Variants in MFSD6 observed in about 807,000 individuals in gnomAD.
The protein encoded by MFSD6 is major facilitator superfamily domain-containing protein 6.
MFSD6 carries 26 observed loss-of-function variants against 56.3 expected under a neutral mutation model. The observed-to-expected ratio is 0.46, with a 90% CI of 0.34 to 0.64. MFSD6 has a LOEUF of 0.64. MFSD6 is among the 30% of genes least tolerant of loss of function. The probability of loss-of-function intolerance (pLI) is 0.01; values close to 1 mark genes in which losing one functional copy is unlikely to be tolerated. For synonymous variants in MFSD6, 331 were observed against 366.9 expected (o/e 0.90, Z 1.12); for missense variants, 750 against 986.2 (o/e 0.76, Z 3.21).
At position 190,458,225 on chromosome 2, in the gene MFSD6, C is replaced by CA. The variant is rs1439739821; in HGVS notation, c.1533-11532dup. On this transcript the variant is annotated intron_variant, in intron 3 of 7. Coordinates refer to ENST00000392328, the MANE Select transcript of MFSD6 (RefSeq NM_017694.4). This position sits in a 1 kb window ranked among gnomAD's most constrained non-coding sequence, Gnocchi z 5.3. ...AGATTCATACGTTGAGGTCCTAACC[C>CA]ACAGTACCTCAGAGTGTGACCATAT... 6.6e-6 allele frequency among the ~76,000 whole-genome samples: 1 copy of CA among 152,106 alleles called. No homozygotes were observed. The highest frequency in any genetic ancestry group is 1.5e-5 in the Non-Finnish European group (1 of 68,014).
Position 190,463,015 on chromosome 2 carries a change from G to A in MFSD6, c.1533-6743G>A, listed in dbSNP as rs1276375828. 2.0e-5 allele frequency among the ~76,000 whole-genome samples: 3 copies of A among 152,132 alleles called. No individual in the cohort carries two copies. Among genetic ancestry groups the A allele is most frequent in the African/African-American group, 7.2e-5 (3 of 41,424 alleles). ...TGGTTCTTTCAAACCAGCCAGTCCT[G>A]GAGTGGGACACAGGATGCAGGAGAT... is the stretch of plus-strand genomic sequence containing the variant. On this transcript the variant is annotated intron_variant, in intron 3 of 7. Coordinates refer to ENST00000392328, the MANE Select transcript of MFSD6 (RefSeq NM_017694.4). The surrounding 1 kb of genome is among the most constrained non-coding windows in gnomAD (Gnocchi z 4.4).
At chr2:190,466,258 A>G (rs1435436071) in intron 3 of MFSD6, among the ~76,000 whole-genome samples, 1 of 152,240 alleles carries the variant, frequency 6.6e-6, no homozygotes, top group Admixed American at 6.5e-5. Context: ...TTAAGACTTC[A>G]GCACATGAAC....
chr2:190,415,991 T>G lies in MFSD6; in HGVS notation c.-54+578T>G, dbSNP rs780800199. On this transcript the variant is annotated intron_variant, in intron 2 of 7. Transcript: ENST00000392328. This position sits in a 1 kb window ranked among gnomAD's most constrained non-coding sequence, Gnocchi z 4.5. Reference sequence around the variant, plus strand: ...CTCTGTAATGTGAACTGTTACTTTTTCCTCCCGCTGGGCTTGTTCTAAGAC... The same window carrying G: ...CTCTGTAATGTGAACTGTTACTTTTGCCTCCCGCTGGGCTTGTTCTAAGAC... Among the ~76,000 whole-genome samples, 2 of 152,192 alleles carry G rather than the reference T, an allele frequency of 1.3e-5. No homozygotes were observed. Among genetic ancestry groups the G allele is most frequent in the Non-Finnish European group, 2.9e-5 (2 of 68,034 alleles).
rs974212299 is a variant in MFSD6, at chr2:190,500,830, A to T, written c.*612A>T. 5 of 152,714 alleles carry T rather than the reference A, an allele frequency of 3.3e-5. No individual in the cohort carries two copies. The highest frequency in any genetic ancestry group is 2.0e-4 in the Admixed American group (3 of 15,346). 9.5% of individuals were successfully genotyped at this position (152,714 alleles called of 1,614,324 possible). A position where few individuals can be genotyped will look rare whatever the true frequency, so the allele number is the denominator to read the frequency against. On this transcript the variant is annotated 3_prime_UTR_variant, in exon 8 of 8. Transcript: ENST00000392328. The surrounding 1 kb of genome is among the most constrained non-coding windows in gnomAD (Gnocchi z 5.3). ...ACATATCTTTAGCAAATATATTTTT[A>T]TATGTGTATGGCATATAATGGAAAT...
Position 190,454,982 on chromosome 2 carries a change from ATGTATATGTATATGTATAATGTAT to A in MFSD6, c.1533-14775_1533-14752del, listed in dbSNP as rs1686946915. ...TATGTATATGTATATGTATATGTAT[ATGTATATGTATATGTATAATGTAT>A]ATGTATATGTATATGTGTGTTGGTA... On this transcript the variant is annotated intron_variant, in intron 3 of 7. Coordinates refer to ENST00000392328, the MANE Select transcript of MFSD6 (RefSeq NM_017694.4). This position sits in a 1 kb window ranked among gnomAD's most constrained non-coding sequence, Gnocchi z 4.6. Among the ~76,000 whole-genome samples, 1 of 82,306 alleles carries A rather than the reference ATGTATATGTATATGTATAATGTAT, an allele frequency of 1.2e-5. No individual in the cohort carries two copies. Among genetic ancestry groups the A allele is most frequent in the African/African-American group, 3.4e-5 (1 of 29,786 alleles). The allele number at this position is 82,306 out of a possible 152,430, so 54.0% of individuals were successfully genotyped here. A position where few individuals can be genotyped will look rare whatever the true frequency, so the allele number is the denominator to read the frequency against.
intron 4 of MFSD6, among the ~76,000 whole-genome samples, chr2:190,473,640 A>G (rs1435518921): frequency 6.6e-6 from 1 of 152,190 alleles, no homozygotes; most frequent in Non-Finnish European, 1.5e-5. Flanking sequence ...TTAACACCCC[A>G]CTGTCAACAT....
At chr2:190,470,966 G>C (rs757214658) in intron 4 of MFSD6, among the ~76,000 whole-genome samples, 1 of 152,002 alleles carries the variant, frequency 6.6e-6, no homozygotes, top group Non-Finnish European at 1.5e-5. Context: ...GCTAGTAAAA[G>C]GAGATTCTGT....
intron 2 of MFSD6, among the ~76,000 whole-genome samples, chr2:190,427,251 G>C (rs1685810690): frequency 6.6e-6 from 1 of 152,206 alleles, no homozygotes; most frequent in Non-Finnish European, 1.5e-5. Flanking sequence ...GAAAGTCCTT[G>C]CTCCTTTATC....
intron 3 of MFSD6, chr2:190,464,897 G>A: frequency 1.0e-6 from 1 of 973,100 alleles, no homozygotes; most frequent in Non-Finnish European, 1.2e-6. Flanking sequence ...GTGGTTTTTA[G>A]TGGCTTTTGG....
chr2:190,500,507 A>G lies in MFSD6; in HGVS notation c.*289A>G. On this transcript the variant is annotated 3_prime_UTR_variant, in exon 8 of 8. Transcript: ENST00000392328. The surrounding 1 kb of genome is among the most constrained non-coding windows in gnomAD (Gnocchi z 5.3). ...TTAAGGATGATAGAATTTCTCTGCC[A>G]GTGCAGTAAGAGTTGAAACCGGCAG... 2.7e-6 allele frequency: 1 copy of G among 365,532 alleles called. No homozygotes were observed. 22.6% of individuals were successfully genotyped at this position (365,532 alleles called of 1,614,324 possible). A position where few individuals can be genotyped will look rare whatever the true frequency, so the allele number is the denominator to read the frequency against.
rs955562508 is a variant in MFSD6, at chr2:190,471,126, G to A, written c.1630+1271G>A. Among the ~76,000 whole-genome samples, 19 of 152,244 alleles carry A rather than the reference G, an allele frequency of 1.2e-4. No homozygotes were observed. Among genetic ancestry groups the A allele is most frequent in the East Asian group, 3.9e-4 (2 of 5,176 alleles). ...ACAGGAGGGTGGAGCCAAGATGGCC[G>A]AATAGGAACAGCTCCAGTCTACAGG... On this transcript the variant is annotated intron_variant, in intron 4 of 7. Coordinates refer to ENST00000392328, the MANE Select transcript of MFSD6 (RefSeq NM_017694.4). This position sits in a 1 kb window ranked among gnomAD's most constrained non-coding sequence, Gnocchi z 4.7.
Position 190,412,276 on chromosome 2 carries a change from G to C in MFSD6, c.-175-3016G>C, listed in dbSNP as rs554576156. 1.0e-6 allele frequency: 1 copy of C among 983,502 alleles called. No individual in the cohort carries two copies. Among genetic ancestry groups the C allele is most frequent in the African/African-American group, 1.7e-5 (1 of 57,306 alleles). The allele number at this position is 983,502 out of a possible 1,614,324, so 60.9% of individuals were successfully genotyped here. ...TTAAACTTGGTTAATTATCATTGTG[G>C]TAGTAGGTAATCTTGAGAAAGAGGG... On this transcript the variant is annotated intron_variant, in intron 1 of 7. Transcript: ENST00000392328. This position sits in a 1 kb window ranked among gnomAD's most constrained non-coding sequence, Gnocchi z 4.1.
Position 190,457,359 on chromosome 2 carries a change from G to A in MFSD6, c.1533-12399G>A. 6.6e-6 allele frequency among the ~76,000 whole-genome samples: 1 copy of A among 152,050 alleles called. No individual in the cohort carries two copies. Among genetic ancestry groups the A allele is most frequent in the Non-Finnish European group, 1.5e-5 (1 of 68,024 alleles). On this transcript the variant is annotated intron_variant, in intron 3 of 7. Transcript: ENST00000392328. This position sits in a 1 kb window ranked among gnomAD's most constrained non-coding sequence, Gnocchi z 5.1. Reference sequence around the variant, plus strand: ...ATGATCTAACTTTCTTCTTTGGCTGGTTTTAGTATGTGAAAAAAACCACCT... The same window carrying A: ...ATGATCTAACTTTCTTCTTTGGCTGATTTTAGTATGTGAAAAAAACCACCT...
rs1315774329 is a variant in MFSD6 at position 190,467,571 on chromosome 2, C to T, written c.1533-2187C>T. Among the ~76,000 whole-genome samples the T allele has an allele frequency of 6.6e-6, 1 of 152,096 alleles. No homozygotes were observed. The highest frequency in any genetic ancestry group is 1.5e-5 in the Non-Finnish European group (1 of 68,020). Reference sequence around the variant, plus strand: ...GAGGTTTCAGTGAGCCGAGATCGTGCCACTGCTCTCTAGCCTCGGCAACAG... The same window carrying T: ...GAGGTTTCAGTGAGCCGAGATCGTGTCACTGCTCTCTAGCCTCGGCAACAG... On this transcript the variant is annotated intron_variant, in intron 3 of 7. Coordinates refer to ENST00000392328, the MANE Select transcript of MFSD6 (RefSeq NM_017694.4). The surrounding 1 kb of genome is among the most constrained non-coding windows in gnomAD (Gnocchi z 5.5).
chr2:190,496,718 A>G lies in MFSD6; in HGVS notation c.1892-721A>G, dbSNP rs959127000. ...CACATATACATACATACACAATGGA[A>G]TACTACTCAGCCATAAAAAGGAATG... On this transcript the variant is annotated intron_variant, in intron 6 of 7. Transcript: ENST00000392328. The surrounding 1 kb of genome is among the most constrained non-coding windows in gnomAD (Gnocchi z 4.7). 1.3e-5 allele frequency among the ~76,000 whole-genome samples: 2 copies of G among 152,302 alleles called. No homozygotes were observed. Among genetic ancestry groups the G allele is most frequent in the South Asian group, 4.1e-4 (2 of 4,824 alleles).
intron 2 of MFSD6, among the ~76,000 whole-genome samples, chr2:190,421,439 T>C (rs1363389997): frequency 2.6e-5 from 4 of 152,224 alleles, no homozygotes. Flanking sequence ...TCAGTTTTTA[T>C]TTTTAAAGTG....
At position 190,429,364 on chromosome 2, in the gene MFSD6, C is replaced by T. The variant is rs138159435; in HGVS notation, c.-53-6613C>T. 3.7e-4 allele frequency among the ~76,000 whole-genome samples: 55 copies of T among 150,560 alleles called. 1 individual carries two copies. In the East Asian group the frequency reaches 9.1e-3, roughly 25 times the overall value. On this transcript the variant is annotated intron_variant, in intron 2 of 7. Transcript: ENST00000392328. ...TTTTTGAGATGGAGTCTCACTCTGT[C>T]GCCCAGCCTGGAGTACAGTGGTGCA...
At chr2:190,484,531 G>A (rs1246778467) in intron 4 of MFSD6, among the ~76,000 whole-genome samples, 11 of 152,104 alleles carry the variant, frequency 7.2e-5, no homozygotes, top group Non-Finnish European at 8.8e-5. Context: ...GGGAAATGGC[G>A]GAGGGTTTTC....
rs1397224713 is a variant in MFSD6 at position 190,497,154 on chromosome 2, A to G, written c.1892-285A>G. Among the ~76,000 whole-genome samples the G allele has an allele frequency of 6.6e-6, 1 of 152,202 alleles. No homozygotes were observed. Among genetic ancestry groups the G allele is most frequent in the Admixed American group, 6.5e-5 (1 of 15,278 alleles). ...AAATGGGCCTAAGGCAACACTCATTATAACCTATGCCCCACTGATGTTCTA... is the reference window on the plus strand; with the variant it reads ...AAATGGGCCTAAGGCAACACTCATTGTAACCTATGCCCCACTGATGTTCTA... On this transcript the variant is annotated intron_variant, in intron 6 of 7. Transcript: ENST00000392328. The surrounding 1 kb of genome is among the most constrained non-coding windows in gnomAD (Gnocchi z 5.2).
Sources: allele counts gnomAD v4.1 joint callset (sites outside exome capture counted in the v4.1 genomes callset), GRCh38; gene constraint gnomAD v4.1.1; non-coding constraint Gnocchi (gnomAD v3.1); transcripts MANE v1.5; gene names NCBI Gene and HGNC (gene_info 2026-07-23, HGNC 2026-07-21).